Variants in CDH3 observed in about 807,000 individuals in gnomAD.
CDH3 encodes cadherin 3.
Under a neutral mutation model 82.0 loss-of-function variants are expected in CDH3, and 54 were observed. That is an observed-to-expected ratio of 0.66 (90% CI 0.53 to 0.83). CDH3 has a LOEUF of 0.83. Ranked by LOEUF, CDH3 falls within the 40% of genes least tolerant of loss-of-function variation. The pLI is 0.00. For missense variants in CDH3, 1,054 were observed against 1,084.6 expected (o/e 0.97, Z 0.40); for synonymous variants, 446 against 437.9 (o/e 1.02, Z -0.23).
At chr16:68,678,441 CTT>C (rs1458796260) in intron 4 of CDH3, 58 bp from the exon 5 acceptor site, 3 of 1,608,756 alleles carry the variant, frequency 1.9e-6, no homozygotes, top group Non-Finnish European at 2.6e-6. Flanking sequence ...ACAGAGGACT[CTT>C]TGTCACAGTC....
chr16:68,702,398 C>T (rs1024915024), downstream of CDH3, among the ~76,000 whole-genome samples: 1 of 151,978 alleles, frequency 6.6e-6, no homozygotes, highest in African/African-American at 2.4e-5. Context: ...ACGGTGGGGT[C>T]GGGGGCAGGA....
intron 1 of CDH3, among the ~76,000 whole-genome samples, chr16:68,718,495 G>C (rs1962119807): frequency 2.6e-5 from 4 of 151,486 alleles, no homozygotes. Context: ...GCCTGGCCAA[G>C]ATGTCAAAAA....
intron 1 of CDH3, among the ~76,000 whole-genome samples, chr16:68,718,049 G>A (rs1313134104): frequency 6.6e-6 from 1 of 151,754 alleles, no homozygotes; most frequent in Non-Finnish European, 1.5e-5. Context: ...GGCTGGAGTT[G>A]CCCAGACTGG....
At chr16:68,722,982 C>CAA (rs913207870) in intron 2 of CDH3, among the ~76,000 whole-genome samples, 4 of 151,888 alleles carry the variant, frequency 2.6e-5, no homozygotes, top group African/African-American at 9.6e-5. Flanking sequence ...TTAGTAGAGA[C>CAA]ACGGTTTCAC....
intron 8 of CDH3, among the ~76,000 whole-genome samples, chr16:68,681,607 G>A (rs1055399338): frequency 2.0e-5 from 3 of 152,170 alleles, no homozygotes; most frequent in Admixed American, 6.5e-5. Flanking sequence ...AGGCCAAGGC[G>A]GGCAGAACAC....
At position 68,645,709 on chromosome 16, in the gene CDH3, C is replaced by T. The variant is rs749703265; in HGVS notation, c.119C>T (p.Ala40Val). 3 of 1,545,502 alleles carry T rather than the reference C, an allele frequency of 1.9e-6. No homozygotes were observed. ...VFREAEVTLE[A>V]GGAEQEPGQA... ...AGGGAGGCTGAAGTGACCTTGGAGG[C>T]GGGAGGCGCGGAGCAGGAGCCCGGC... Residue 40 changes from alanine to valine, a missense_variant, in exon 2 of 16, where the codon GCG (alanine) becomes GTG (valine). Ala to Val is a moderately conservative substitution (Grantham distance 64). Coordinates refer to ENST00000264012, the MANE Select transcript of CDH3 (RefSeq NM_001793.6).
chr16:68,726,020 C>CT (rs1962215495), intron 2 of CDH3, among the ~76,000 whole-genome samples: 1 of 152,058 alleles, frequency 6.6e-6, no homozygotes, highest in South Asian at 2.1e-4. Flanking sequence ...GATTGCACTA[C>CT]TGCACTCCAG....
chr16:68,683,014 G>A (rs1405478209), intron 9 of CDH3, among the ~76,000 whole-genome samples: 1 of 152,140 alleles, frequency 6.6e-6, no homozygotes, highest in Non-Finnish European at 1.5e-5. Context: ...TTAGGAGGCT[G>A]AGGTGGGAGG....
chr16:68,677,997 A>G (rs1961079418), intron 3 of CDH3, 137 bp from the exon 4 acceptor site: 1 of 806,806 alleles, frequency 1.2e-6, no homozygotes, highest in African/African-American at 1.7e-5. Flanking sequence ...CCTGGGCTCA[A>G]GTGACCCTCC....
intron 1 of CDH3, among the ~76,000 whole-genome samples, chr16:68,714,096 G>A (rs1358240850): frequency 1.3e-5 from 2 of 151,960 alleles, no homozygotes; most frequent in Non-Finnish European, 2.9e-5. Context: ...ACCATGCCCA[G>A]CTAATTTTTA....
intron 12 of CDH3, among the ~76,000 whole-genome samples, 177 bp from the exon 13 acceptor site, chr16:68,691,539 ATTAT>A (rs1567455277): frequency 1.3e-5 from 2 of 152,130 alleles, no homozygotes; most frequent in African/African-American, 4.8e-5. Context: ...AATCCTTTTC[ATTAT>A]GGTGAATTTT....
At chr16:68,661,805 C>T (rs1270159378) in intron 2 of CDH3, among the ~76,000 whole-genome samples, 1 of 152,230 alleles carries the variant, frequency 6.6e-6, no homozygotes, top group Non-Finnish European at 1.5e-5. Context: ...TCTCCTGCCT[C>T]AGCCTCCCAA....
intron 1 of CDH3, among the ~76,000 whole-genome samples, chr16:68,705,401 T>C (rs954329403): frequency 6.6e-6 from 1 of 152,008 alleles, no homozygotes; most frequent in Non-Finnish European, 1.5e-5. Context: ...ACAACTTCAT[T>C]GAGCACCTGT....
intron 2 of CDH3, among the ~76,000 whole-genome samples, chr16:68,724,953 C>T (rs551733140): frequency 7.9e-5 from 12 of 152,236 alleles, no homozygotes; most frequent in Non-Finnish European, 1.6e-4. Flanking sequence ...TTTATCTCTC[C>T]GTCCCAAGTA....
chr16:68,716,620 C>CAAAAAAAAA (rs563385107), intron 1 of CDH3, among the ~76,000 whole-genome samples: 7 of 103,160 alleles, frequency 6.8e-5, no homozygotes, highest in South Asian at 3.6e-4. Flanking sequence ...GACTCCGGCT[C>CAAAAAAAAA]AAAAAAAAAA....
At chr16:68,679,718 A>T in intron 6 of CDH3, 81 bp from the exon 7 acceptor site, 2 of 766,984 alleles carry the variant, frequency 2.6e-6, no homozygotes, top group Non-Finnish European at 4.1e-6. Flanking sequence ...AAAAAAAAAA[A>T]GAAAAGAAAA....
intron 2 of CDH3, among the ~76,000 whole-genome samples, chr16:68,664,026 T>A (rs893745403): frequency 6.9e-6 from 1 of 143,938 alleles, no homozygotes; most frequent in African/African-American, 2.6e-5. Flanking sequence ...ATTATTCCCA[T>A]TTCATAGCTG....
intron 13 of CDH3, among the ~76,000 whole-genome samples, chr16:68,693,345 C>T (rs575611157): frequency 6.6e-6 from 1 of 151,924 alleles, no homozygotes; most frequent in South Asian, 2.1e-4. Context: ...TAGCCATAAT[C>T]CAGGGGTAAA....
downstream of CDH3, among the ~76,000 whole-genome samples, chr16:68,704,617 G>A (rs557702924): frequency 7.2e-5 from 11 of 152,396 alleles, no homozygotes; most frequent in South Asian, 2.3e-3. Flanking sequence ...GGGAACAGTG[G>A]CACTGGCTGC....
Sources: gnomAD v4.1 joint callset for allele counts (sites outside exome capture counted in the v4.1 genomes callset) on GRCh38, gnomAD v4.1.1 for gene constraint, MANE v1.5 for transcripts, NCBI Gene and HGNC (gene_info 2026-07-23, HGNC 2026-07-21) for gene names.